Variants in WDFY2 observed in about 807,000 individuals in gnomAD.
The protein encoded by WDFY2 is WD repeat and FYVE domain containing 2, also known as WD repeat and FYVE domain-containing protein 2.
A neutral mutation model predicts 56.4 loss-of-function variants in WDFY2; 36 were observed. The ratio of observed to expected loss-of-function variants is 0.64; its 90% CI spans 0.49 to 0.84. WDFY2 has a LOEUF of 0.84. WDFY2 is among the 40% of genes least tolerant of loss of function. The probability of loss-of-function intolerance (pLI) is 0.00; values close to 1 mark genes in which losing one functional copy is unlikely to be tolerated. For synonymous variants in WDFY2, 176 were observed against 183.7 expected, an observed-to-expected ratio of 0.96 and a Z score of 0.34; for missense variants, 444 against 512.2, an observed-to-expected ratio of 0.87 and a Z score of 1.29.
intron 1 of WDFY2, among the ~76,000 whole-genome samples, chr13:51,608,057 C>G (rs924263584): frequency 5.9e-5 from 9 of 152,138 alleles, no homozygotes; most frequent in African/African-American, 2.2e-4. Flanking sequence ...CAGATTCTCC[C>G]TAAGTGCCTC....
intron 2 of WDFY2, among the ~76,000 whole-genome samples, chr13:51,666,767 A>G (rs1382001564): frequency 6.6e-6 from 1 of 151,780 alleles, no homozygotes; most frequent in Non-Finnish European, 1.5e-5. Flanking sequence ...GCTTATTTGT[A>G]TTGTTTGGTT....
chr13:51,663,952 A>G (rs977412013), intron 2 of WDFY2, among the ~76,000 whole-genome samples: 2 of 152,232 alleles, frequency 1.3e-5, no homozygotes, highest in African/African-American at 4.8e-5. Context: ...CTTATTTGTT[A>G]ATTTTGTCCA....
rs113375376 is a variant in WDFY2 at position 51,625,089 on chromosome 13, A to G, written c.138-35507A>G. 3.9e-5 allele frequency among the ~76,000 whole-genome samples: 6 copies of G among 152,284 alleles called. No homozygotes were observed. In the East Asian group the frequency reaches 9.6e-4, roughly 24 times the overall value. On this transcript the variant is annotated intron_variant, in intron 1 of 11. Coordinates refer to ENST00000298125, the MANE Select transcript of WDFY2 (RefSeq NM_052950.4). The stretch of plus-strand genomic sequence containing the variant: ...TGTTGTGTGACAGCTAACTAGGTGC[A>G]GGGTGGGGTGGGTGAGGCCAGAGGC...
At chr13:51,620,610 C>G (rs1391285875) in intron 1 of WDFY2, among the ~76,000 whole-genome samples, 1 of 152,158 alleles carries the variant, frequency 6.6e-6, no homozygotes, top group Non-Finnish European at 1.5e-5. Flanking sequence ...CCATCCACCT[C>G]TATCCAGACA....
chr13:51,740,559 C>G (rs1336581655), intron 7 of WDFY2, among the ~76,000 whole-genome samples: 2 of 152,070 alleles, frequency 1.3e-5, no homozygotes, highest in African/African-American at 4.8e-5. Context: ...ACTAAGAATA[C>G]AAAAAGTAGC....
chr13:51,709,913 G>A (rs1471916818), intron 4 of WDFY2, among the ~76,000 whole-genome samples: 3 of 152,060 alleles, frequency 2.0e-5, no homozygotes, highest in Admixed American at 2.0e-4. Flanking sequence ...GAAAAAGAGG[G>A]AATCCTCCCC....
At chr13:51,710,878 T>G (rs574588879) in intron 4 of WDFY2, among the ~76,000 whole-genome samples, 13 of 152,090 alleles carry the variant, frequency 8.5e-5, no homozygotes, top group African/African-American at 3.1e-4. Flanking sequence ...GTAATTTATA[T>G]ATTCAATGCC....
At chr13:51,740,405 C>A (rs917456228) in intron 7 of WDFY2, among the ~76,000 whole-genome samples, 1 of 152,148 alleles carries the variant, frequency 6.6e-6, no homozygotes, top group African/African-American at 2.4e-5. Context: ...TTCACATCAT[C>A]CACGTAAGAG....
At chr13:51,647,164 G>C (rs1345658762) in intron 1 of WDFY2, among the ~76,000 whole-genome samples, 1 of 152,154 alleles carries the variant, frequency 6.6e-6, no homozygotes, top group Non-Finnish European at 1.5e-5. Context: ...ATCTGGGGGA[G>C]ATCCTGGAAC....
At chr13:51,641,498 CT>C (rs1281232931) in intron 1 of WDFY2, among the ~76,000 whole-genome samples, 2 of 152,098 alleles carry the variant, frequency 1.3e-5, no homozygotes, top group East Asian at 3.9e-4. Flanking sequence ...TTGAATTCCT[CT>C]TTTCTCTGAA....
At chr13:51,685,640 G>A (rs532425975) in intron 3 of WDFY2, among the ~76,000 whole-genome samples, 1 of 152,102 alleles carries the variant, frequency 6.6e-6, no homozygotes. Flanking sequence ...TCCTATTCAC[G>A]TTGAGTAGGC....
chr13:51,707,939 C>CTTTTTT (rs56054205), intron 4 of WDFY2, among the ~76,000 whole-genome samples: 1,064 of 57,582 alleles, frequency 0.018, 182 homozygotes, highest in Non-Finnish European at 0.021. Context: ...CCTAAAACAA[C>CTTTTTT]TTTTTTTTTT....
chr13:51,613,140 G>A (rs984855735), intron 1 of WDFY2, among the ~76,000 whole-genome samples: 1 of 151,970 alleles, frequency 6.6e-6, no homozygotes, highest in African/African-American at 2.4e-5. Context: ...TGAGGCTGTA[G>A]TGTGTGATCA....
intron 3 of WDFY2, among the ~76,000 whole-genome samples, chr13:51,676,000 A>G (rs1439683376): frequency 6.6e-6 from 1 of 152,196 alleles, no homozygotes; most frequent in Non-Finnish European, 1.5e-5. Context: ...GCCCTGCTTC[A>G]GAACCTATGA....
At position 51,760,680 on chromosome 13, in the gene WDFY2, C is replaced by G. The variant is rs1473442615; in HGVS notation, c.*911C>G. ...CATCAGCGGCCCTCAACCTTGTTGG[C>G]AGCAGGGACCGGTTTCAAAATGAAA... On this transcript the variant is annotated 3_prime_UTR_variant, in exon 12 of 12. Transcript: ENST00000298125. 2 of 152,226 alleles carry G rather than the reference C, an allele frequency of 1.3e-5. No homozygotes were observed. Among genetic ancestry groups the G allele is most frequent in the African/African-American group, 4.8e-5 (2 of 41,452 alleles). 9.4% of individuals were successfully genotyped at this position (152,226 alleles called of 1,614,324 possible).
intron 2 of WDFY2, among the ~76,000 whole-genome samples, chr13:51,665,873 A>G (rs1303959002): frequency 2.0e-5 from 3 of 152,206 alleles, no homozygotes; most frequent in Admixed American, 1.3e-4. Context: ...AAGCCAAACA[A>G]GACATTTTTT....
chr13:51,747,948 G>C (rs1232862357), intron 7 of WDFY2, among the ~76,000 whole-genome samples: 1 of 152,210 alleles, frequency 6.6e-6, no homozygotes, highest in Non-Finnish European at 1.5e-5. Context: ...CAGAGGTTCA[G>C]TTTGGAAAGG....
chr13:51,661,308 C>T (rs925952708), intron 2 of WDFY2, among the ~76,000 whole-genome samples: 4 of 152,132 alleles, frequency 2.6e-5, no homozygotes, highest in Non-Finnish European at 4.4e-5. Flanking sequence ...TTAGTCTAGT[C>T]TTTTATCTTT....
intron 3 of WDFY2, among the ~76,000 whole-genome samples, chr13:51,691,415 G>A (rs948451833): frequency 2.0e-5 from 3 of 149,464 alleles, no homozygotes; most frequent in African/African-American, 7.4e-5. Flanking sequence ...TTCTACATAT[G>A]GCTAGCCAGT....
Sources: gnomAD v4.1 joint callset for allele counts (sites outside exome capture counted in the v4.1 genomes callset) on GRCh38, gnomAD v4.1.1 for gene constraint, MANE v1.5 for transcripts, NCBI Gene and HGNC (gene_info 2026-07-23, HGNC 2026-07-21) for gene names.